The following DNAJC6 variants were observed in gnomAD, a reference collection of about 807,000 sequenced individuals.
DNAJC6 encodes the protein DnaJ heat shock protein family (Hsp40) member C6.
Under a neutral mutation model 110.0 loss-of-function variants are expected in DNAJC6, and 34 were observed. The ratio of observed to expected loss-of-function variants is 0.31; its 90% CI spans 0.24 to 0.41. DNAJC6 has a LOEUF of 0.41. Among genes scored for constraint, DNAJC6 ranks in the 10% least tolerant of loss-of-function variants. The pLI, the probability that DNAJC6 is intolerant of heterozygous loss-of-function variation, is 1.00. For synonymous variants in DNAJC6, 406 were observed against 437.2 expected (o/e 0.93, Z 0.89); for missense variants, 1,031 against 1,207.8 (o/e 0.85, Z 2.17).
At chr1:65,300,777 G>A (rs1207628580) in intron 1 of DNAJC6, among the ~76,000 whole-genome samples, 2 of 152,186 alleles carry the variant, frequency 1.3e-5, no homozygotes, top group Middle Eastern at 3.2e-3. Context: ...GTTGTCAAGT[G>A]AGCAGCAGTG....
At chr1:65,412,160 A>C (rs925334421) in intron 18 of DNAJC6, among the ~76,000 whole-genome samples, 3 of 152,210 alleles carry the variant, frequency 2.0e-5, no homozygotes, top group Non-Finnish European at 4.4e-5. Context: ...AATGGAATTA[A>C]ATTTGCCCTC....
intron 1 of DNAJC6, among the ~76,000 whole-genome samples, chr1:65,350,919 C>T (rs1008131364): frequency 6.6e-6 from 1 of 152,166 alleles, no homozygotes; most frequent in East Asian, 1.9e-4. Flanking sequence ...CTCTGCTGGG[C>T]CTTGTGAAGT....
intron 14 of DNAJC6, among the ~76,000 whole-genome samples, chr1:65,399,388 A>T (rs1241662440): frequency 6.6e-6 from 1 of 152,296 alleles, no homozygotes; most frequent in South Asian, 2.1e-4. Flanking sequence ...CCTCCTCATG[A>T]CCACTATGGC....
At chr1:65,274,665 AAGC>A (rs35390102) in intron 1 of DNAJC6, among the ~76,000 whole-genome samples, 78,517 of 151,742 alleles carry the variant, frequency 0.52, 20,484 homozygotes, top group East Asian at 0.77. Flanking sequence ...TATCTTTTAG[AAGC>A]AGCCATAAGT....
intron 1 of DNAJC6, among the ~76,000 whole-genome samples, chr1:65,273,277 AT>A (rs1222948717): frequency 6.6e-6 from 1 of 152,316 alleles, no homozygotes; most frequent in Admixed American, 6.5e-5. Context: ...CTTTTAAAAA[AT>A]ATTTTCATTT....
chr1:65,304,125 T>C lies in DNAJC6; in HGVS notation c.-131+39193T>C, dbSNP rs545307877. On this transcript the variant is annotated intron_variant, in intron 1 of 19. Coordinates refer to the DNAJC6 transcript ENST00000263441. ...AAGGCACCTGGCAAATGATAAATAA[T>C]CAATGGCAGTTATTTTGTTACTATT... Among the ~76,000 whole-genome samples the C allele has an allele frequency of 6.6e-5, 10 of 151,954 alleles. No homozygotes were observed. In the South Asian group the frequency reaches 1.0e-3, roughly 16 times the overall value.
chr1:65,414,543 C>T lies in DNAJC6; in HGVS notation c.*1518C>T, dbSNP rs1008517584. The T allele has an allele frequency of 6.6e-6, 1 of 152,552 alleles. No homozygotes were observed. The highest frequency in any genetic ancestry group is 2.4e-5 in the African/African-American group (1 of 41,426). The allele number at this position is 152,552 out of a possible 1,614,324, so 9.4% of individuals were successfully genotyped here. A position where few individuals can be genotyped will look rare whatever the true frequency, so the allele number is the denominator to read the frequency against. ...CTTGTGGCAAGCTATACCGGAAAAGCGGCATGTCAAAAATACTTTAGGTTC... is the reference window on the plus strand; with the variant it reads ...CTTGTGGCAAGCTATACCGGAAAAGTGGCATGTCAAAAATACTTTAGGTTC... On this transcript the variant is annotated 3_prime_UTR_variant, in exon 19 of 19. Transcript: ENST00000371069.
chr1:65,336,310 G>A (rs774865055), intron 1 of DNAJC6, among the ~76,000 whole-genome samples: 1 of 152,082 alleles, frequency 6.6e-6, no homozygotes. Flanking sequence ...GAGCATGGGG[G>A]TAACTGCCCC....
At chr1:65,405,538 C>G (rs750378841) in intron 15 of DNAJC6, among the ~76,000 whole-genome samples, 1 of 151,998 alleles carries the variant, frequency 6.6e-6, no homozygotes, top group African/African-American at 2.4e-5. Context: ...TGGGAAGAGC[C>G]AGGGTTCTTT....
At chr1:65,410,728 C>T (rs1183593629) in intron 17 of DNAJC6, among the ~76,000 whole-genome samples, 1 of 152,172 alleles carries the variant, frequency 6.6e-6, no homozygotes, top group Admixed American at 6.5e-5. Context: ...CCTTTTTGAG[C>T]TCTGTTCTGC....
chr1:65,380,945 A>C lies in DNAJC6; in HGVS notation c.666+1421A>C, dbSNP rs532689601. On this transcript the variant is annotated intron_variant, in intron 5 of 18. Transcript: ENST00000371069. ...TGTTTTTTTTTTTTTTTTGGGACCG[A>C]GTCTTGCTCTGTTGCCAGGCTGGAG... 1.1e-4 allele frequency among the ~76,000 whole-genome samples: 9 copies of C among 83,278 alleles called. No individual in the cohort carries two copies. In the South Asian group the frequency reaches 3.8e-3, roughly 35 times the overall value. 54.6% of individuals were successfully genotyped at this position (83,278 alleles called of 152,430 possible). A position where few individuals can be genotyped will look rare whatever the true frequency, so the allele number is the denominator to read the frequency against.
At chr1:65,344,873 T>C (rs1337783473) in intron 1 of DNAJC6, among the ~76,000 whole-genome samples, 1 of 152,132 alleles carries the variant, frequency 6.6e-6, no homozygotes, top group Non-Finnish European at 1.5e-5. Flanking sequence ...AGGATTTCCA[T>C]CTAAGGACTG....
At chr1:65,344,036 A>G (rs968554394) in intron 1 of DNAJC6, among the ~76,000 whole-genome samples, 1 of 152,162 alleles carries the variant, frequency 6.6e-6, no homozygotes, top group African/African-American at 2.4e-5. Context: ...CCTCTATGGA[A>G]AAGAGGGGAC....
intron 1 of DNAJC6, among the ~76,000 whole-genome samples, chr1:65,273,217 CTTAT>C (rs1653562085): frequency 6.6e-6 from 1 of 152,142 alleles, no homozygotes; most frequent in Admixed American, 6.5e-5. Context: ...TAACTTATGA[CTTAT>C]TTTTTAGTTT....
chr1:65,369,227 T>G (rs895028066), intron 4 of DNAJC6, among the ~76,000 whole-genome samples: 19 of 152,314 alleles, frequency 1.2e-4, no homozygotes, highest in African/African-American at 4.6e-4. Context: ...TCCTCTGACC[T>G]GTCTCCTTTA....
chr1:65,279,193 T>A, intron 1 of DNAJC6: 2 of 983,772 alleles, frequency 2.0e-6, no homozygotes, highest in South Asian at 4.7e-5. Context: ...ATAACATTTC[T>A]ACAACTTTGG....
chr1:65,386,724 G>A, intron 7 of DNAJC6, 88 bp from the exon 8 acceptor site: 1 of 1,180,848 alleles, frequency 8.5e-7, no homozygotes, highest in South Asian at 1.3e-5. Flanking sequence ...AGTCCTCTGG[G>A]CCAGAGCCAT....
Position 65,409,110 on chromosome 1 carries a change from C to G in DNAJC6, c.2634+327C>G, listed in dbSNP as rs1570388739. 2.0e-5 allele frequency among the ~76,000 whole-genome samples: 3 copies of G among 152,126 alleles called. No homozygotes were observed. In the East Asian group the frequency reaches 5.8e-4, roughly 29 times the overall value. ...TGCTCAGGCCTCTTTCATAAGGACACTAATCCCATTTATAAGAGGTCTGTC... is the reference window on the plus strand; with the variant it reads ...TGCTCAGGCCTCTTTCATAAGGACAGTAATCCCATTTATAAGAGGTCTGTC... On this transcript the variant is annotated intron_variant, in intron 17 of 18. Coordinates refer to ENST00000371069, the MANE Select transcript of DNAJC6 (RefSeq NM_001256864.2).
At chr1:65,364,903 T>A in intron 2 of DNAJC6, 118 bp downstream of exon 2, 1 of 1,342,400 alleles carries the variant, frequency 7.4e-7, no homozygotes, top group Non-Finnish European at 1.0e-6. Context: ...TTTTATGGGA[T>A]CTGATGAACT....
Sources: gnomAD v4.1 joint callset for allele counts (sites outside exome capture counted in the v4.1 genomes callset) on GRCh38, gnomAD v4.1.1 for gene constraint, MANE v1.5 for transcripts, NCBI Gene and HGNC (gene_info 2026-07-23, HGNC 2026-07-21) for gene names.